ULK2: variants seen among roughly 807,000 people sequenced by gnomAD.
The protein encoded by ULK2 is unc-51 like autophagy activating kinase 2, also known as serine/threonine-protein kinase ULK2.
Under a neutral mutation model 127.5 loss-of-function variants are expected in ULK2, and 76 were observed. The ratio of observed to expected loss-of-function variants is 0.60; its 90% CI spans 0.50 to 0.72. ULK2 has a LOEUF of 0.72. Among genes scored for constraint, ULK2 ranks in the 30% least tolerant of loss-of-function variants. The pLI, the probability that ULK2 is intolerant of heterozygous loss-of-function variation, is 0.00. For synonymous variants in ULK2, 452 were observed against 461.9 expected, an observed-to-expected ratio of 0.98 and a Z score of 0.28; for missense variants, 1,144 against 1,295.9, an observed-to-expected ratio of 0.88 and a Z score of 1.80.
chr17:19,856,935 C>G (rs796257515), intron 3 of ULK2, among the ~76,000 whole-genome samples: 16 of 140,074 alleles, frequency 1.1e-4, no homozygotes, highest in African/African-American at 4.3e-4. Flanking sequence ...CGAGATCGCA[C>G]CACGGCACTC....
chr17:19,785,536 A>C (rs1008267498), intron 21 of ULK2, among the ~76,000 whole-genome samples: 21 of 143,118 alleles, frequency 1.5e-4, no homozygotes, highest in African/African-American at 6.1e-4. Context: ...TTCTTTAAAA[A>C]AAAAAACCAA....
intron 3 of ULK2, among the ~76,000 whole-genome samples, chr17:19,852,327 G>A (rs112414334): frequency 3.3e-5 from 5 of 150,736 alleles, no homozygotes; most frequent in African/African-American, 7.3e-5. Context: ...CAAGACCATC[G>A]TGGCTAACGC....
At chr17:19,784,724 C>T (rs1267797618) in intron 21 of ULK2, among the ~76,000 whole-genome samples, 1 of 151,676 alleles carries the variant, frequency 6.6e-6, no homozygotes, top group African/African-American at 2.4e-5. Context: ...TGGGGTTTCA[C>T]CATGTTGCCC....
At chr17:19,782,773 G>A (rs991950028) in intron 22 of ULK2, among the ~76,000 whole-genome samples, 2 of 152,064 alleles carry the variant, frequency 1.3e-5, no homozygotes, top group African/African-American at 4.8e-5. Context: ...AAAATTAGCT[G>A]GGCGTGGTGG....
intron 16 of ULK2, among the ~76,000 whole-genome samples, chr17:19,801,365 G>A (rs913237474): frequency 1.1e-4 from 16 of 152,310 alleles, no homozygotes; most frequent in African/African-American, 3.4e-4. Flanking sequence ...TTGAGCCCAG[G>A]TGCTCGAGAC....
rs1019081063 is a variant in ULK2, at chr17:19,867,329, T to A, written c.89A>T (p.Gln30Leu). The A allele has an allele frequency of 1.9e-6, 3 of 1,590,892 alleles. No homozygotes were observed. The highest frequency in any genetic ancestry group is 2.6e-6 in the Non-Finnish European group (3 of 1,170,746). Residue 30 changes from glutamine to leucine, a missense_variant and splice_region_variant, in exon 1 of 27, where the codon CAG (glutamine) becomes CTG (leucine). By Grantham distance (113) the Gln-to-Leu change is moderately radical. Transcript: ENST00000395544. ...GGCCTCGCCCCGGCCGGCGCTCACCTGGCGGTGCCGCCCCCGGAAGACCAC... is the reference window on the plus strand; with the variant it reads ...GGCCTCGCCCCGGCCGGCGCTCACCAGGCGGTGCCGCCCCCGGAAGACCAC... ...FAVVFRGRHR[Q>L]KTDWEVAIKS...
intron 14 of ULK2, among the ~76,000 whole-genome samples, chr17:19,806,121 A>G (rs1282312324): frequency 6.6e-6 from 1 of 152,200 alleles, no homozygotes; most frequent in Non-Finnish European, 1.5e-5. Flanking sequence ...ACAGCTTAAC[A>G]GTACTTCACT....
chr17:19,795,548 G>T (rs1237745030), intron 20 of ULK2, 74 bp downstream of exon 20: 4 of 1,218,804 alleles, frequency 3.3e-6, no homozygotes, highest in Non-Finnish European at 4.9e-6. Context: ...GTGATGATTT[G>T]TTACAACAGC....
chr17:19,783,866 C>T lies in ULK2; in HGVS notation c.2291G>A (p.Ser764Asn), dbSNP rs768348718. 1 of 1,569,702 alleles carries T rather than the reference C, an allele frequency of 6.4e-7. No homozygotes were observed. The highest frequency in any genetic ancestry group is 2.3e-5 in the East Asian group (1 of 43,204). Reference sequence around the variant, plus strand: ...CGGGGACCCCACGCACACGCGGCCACTCATGGCACAAAGAGAGCCCCCGGA... The same window carrying T: ...CGGGGACCCCACGCACACGCGGCCATTCATGGCACAAAGAGAGCCCCCGGA... ...SNSGGSLCAM[S>N]GRVCVGSPPG... Residue 764 changes from serine to asparagine, a missense_variant, in exon 22 of 27, where the codon AGT becomes AAT. Around this residue, in one of 2 missense-constraint regions of ULK2, gnomAD observed 913 missense variants for 970.5 expected, o/e 0.94. Coordinates refer to ENST00000395544, the MANE Select transcript of ULK2 (RefSeq NM_014683.4).
At chr17:19,783,999 C>T (rs1372568089) in intron 21 of ULK2, 94 bp from the exon 22 acceptor site, 2 of 1,140,522 alleles carry the variant, frequency 1.8e-6, no homozygotes, top group Admixed American at 4.1e-5. Context: ...GCTGAGGTGA[C>T]AAAGGAAAGT....
chr17:19,779,173 A>G (rs2086866175), intron 25 of ULK2, among the ~76,000 whole-genome samples: 1 of 152,232 alleles, frequency 6.6e-6, no homozygotes, highest in Non-Finnish European at 1.5e-5. Flanking sequence ...GTAATATAAC[A>G]GCACAGTTCA....
chr17:19,794,754 G>C (rs1208993390), intron 20 of ULK2, among the ~76,000 whole-genome samples: 1 of 151,190 alleles, frequency 6.6e-6, no homozygotes, highest in African/African-American at 2.4e-5. Context: ...GATTACAATA[G>C]TGATTCTCAA....
In ULK2 at chr17:19,830,232, G is replaced by A. The variant is rs191413015; in HGVS notation, c.788-4046C>T. Among the ~76,000 whole-genome samples, 80 of 151,532 alleles carry A rather than the reference G, an allele frequency of 5.3e-4. 1 individual carries two copies. In the East Asian group the frequency reaches 0.013, roughly 25 times the overall value. On this transcript the variant is annotated intron_variant, in intron 10 of 26. Transcript: ENST00000395544. ...TTTTTTTAATCAGAGACAATGTTGC[G>A]CTCTGTTTTTTCAGGCTGGAATGCA...
intron 22 of ULK2, among the ~76,000 whole-genome samples, chr17:19,782,621 A>G (rs1392851777): frequency 1.3e-5 from 2 of 152,208 alleles, no homozygotes; most frequent in East Asian, 3.8e-4. Context: ...GTCATTTAAA[A>G]ATGGGCATTC....
At chr17:19,817,799 C>CT (rs1208624493) in intron 12 of ULK2, among the ~76,000 whole-genome samples, 1 of 152,104 alleles carries the variant, frequency 6.6e-6, no homozygotes, top group Admixed American at 6.5e-5. Context: ...CCTTAAATAC[C>CT]TGGTTCACTG....
At chr17:19,783,606 T>A in intron 22 of ULK2, 91 bp downstream of exon 22, 2 of 1,250,868 alleles carry the variant, frequency 1.6e-6, no homozygotes, top group Non-Finnish European at 2.1e-6. Flanking sequence ...CATAACTTCC[T>A]AACTATTTAA....
intron 20 of ULK2, among the ~76,000 whole-genome samples, chr17:19,793,507 G>A (rs2087202506): frequency 6.6e-6 from 1 of 152,074 alleles, no homozygotes; most frequent in South Asian, 2.1e-4. Flanking sequence ...AAGTCAAACT[G>A]GACCACAGAC....
intron 12 of ULK2, among the ~76,000 whole-genome samples, chr17:19,824,446 CAAAAAAAAAAAAAA>C (rs397943235): frequency 1.6e-3 from 16 of 9,904 alleles, no homozygotes; most frequent in African/African-American, 3.4e-3. Context: ...AACTCCATCT[CAAAAAAAAAAAAAA>C]AAAAAAAAAA....
At chr17:19,788,219 G>C (rs551287632) in intron 20 of ULK2, among the ~76,000 whole-genome samples, 3 of 152,204 alleles carry the variant, frequency 2.0e-5, no homozygotes, top group South Asian at 4.1e-4. Flanking sequence ...ATGACTTAGA[G>C]AGACATCAGA....
Sources: allele counts gnomAD v4.1 joint callset (sites outside exome capture counted in the v4.1 genomes callset), GRCh38; gene constraint gnomAD v4.1.1; regional missense constraint gnomAD v4.1.1; transcripts MANE v1.5; gene names NCBI Gene and HGNC (gene_info 2026-07-23, HGNC 2026-07-21).